Variants in NCKAP5 observed in about 807,000 individuals in gnomAD.
The protein encoded by NCKAP5 is NCK associated protein 5.
In NCKAP5, 92 loss-of-function variants were observed where a neutral mutation model predicts 167.0. That is an observed-to-expected ratio of 0.55 (90% CI 0.47 to 0.66). The LOEUF is 0.66. NCKAP5 is among the 30% of genes least tolerant of loss of function. The pLI, the probability that NCKAP5 is intolerant of heterozygous loss-of-function variation, is 0.00. For synonymous variants in NCKAP5, 891 were observed against 877.4 expected (o/e 1.02, Z -0.27); for missense variants, 2,378 against 2,315.0 (o/e 1.03, Z -0.56).
intron 5 of NCKAP5, among the ~76,000 whole-genome samples, chr2:133,168,875 TAA>T (rs944196512): frequency 6.6e-6 from 1 of 152,150 alleles, no homozygotes; most frequent in African/African-American, 2.4e-5. Context: ...CACTGTGTGG[TAA>T]AAGAGTTTAC....
intron 2 of NCKAP5, among the ~76,000 whole-genome samples, chr2:133,546,299 T>C (rs535022800): frequency 2.0e-5 from 3 of 152,274 alleles, no homozygotes; most frequent in African/African-American, 7.2e-5. Flanking sequence ...AGGAAACTCA[T>C]TATTGCCCAA....
chr2:132,927,246 G>A (rs1695974692), intron 8 of NCKAP5, among the ~76,000 whole-genome samples: 1 of 152,070 alleles, frequency 6.6e-6, no homozygotes, highest in South Asian at 2.1e-4. Flanking sequence ...TTATAGAAGT[G>A]CCATGCTGTA....
intron 5 of NCKAP5, among the ~76,000 whole-genome samples, chr2:133,188,906 C>A (rs1346920610): frequency 4.6e-5 from 7 of 152,064 alleles, no homozygotes; most frequent in Non-Finnish European, 8.8e-5. Context: ...CATTCAAAAG[C>A]TAGCAGACGG....
chr2:133,448,392 C>T (rs1392037093), intron 3 of NCKAP5, among the ~76,000 whole-genome samples: 1 of 151,992 alleles, frequency 6.6e-6, no homozygotes, highest in African/African-American at 2.4e-5. Flanking sequence ...AGAGCGAGCC[C>T]GTATTTAACT....
Position 132,673,325 on chromosome 2 carries a change from A to G in NCKAP5, c.5714-20T>C. 4.9e-6 allele frequency: 7 copies of G among 1,415,502 alleles called. No homozygotes were observed. The highest frequency in any genetic ancestry group is 6.7e-6 in the Non-Finnish European group (7 of 1,042,836). 87.7% of individuals were successfully genotyped at this position (1,415,502 alleles called of 1,614,324 possible). ...CAATTTCTGCAATAAAAAGAAGAAA[A>G]TATTAGAAACATATTTCTTTGGAAA... On this transcript the variant is annotated intron_variant, in intron 19 of 19. Transcript: ENST00000409261.
At chr2:133,093,938 T>G (rs1002896576) in intron 6 of NCKAP5, among the ~76,000 whole-genome samples, 1 of 152,170 alleles carries the variant, frequency 6.6e-6, no homozygotes, top group African/African-American at 2.4e-5. Context: ...GGAGCAGTCC[T>G]GGAAGGTCCC....
At chr2:132,868,678 G>T (rs1238746101) in intron 10 of NCKAP5, among the ~76,000 whole-genome samples, 1 of 152,132 alleles carries the variant, frequency 6.6e-6, no homozygotes, top group Non-Finnish European at 1.5e-5. Flanking sequence ...AAAATGGTGG[G>T]TTTGCTACTC....
intron 4 of NCKAP5, among the ~76,000 whole-genome samples, chr2:133,272,665 C>G (rs1188681626): frequency 6.6e-6 from 1 of 152,160 alleles, no homozygotes; most frequent in Non-Finnish European, 1.5e-5. Flanking sequence ...CCATCACCAT[C>G]CCCTTAGAAC....
chr2:132,836,916 C>T (rs1362128539), intron 11 of NCKAP5, among the ~76,000 whole-genome samples: 2 of 152,156 alleles, frequency 1.3e-5, no homozygotes, highest in Middle Eastern at 3.2e-3. Flanking sequence ...CTTCCCACTC[C>T]GTTTCTTAAA....
intron 10 of NCKAP5, among the ~76,000 whole-genome samples, chr2:132,867,874 G>A (rs556860040): frequency 5.9e-5 from 9 of 152,206 alleles, no homozygotes; most frequent in Admixed American, 1.3e-4. Context: ...CTAACTCTAC[G>A]TAAGTGTACT....
At chr2:132,749,556 T>C (rs139636715) in intron 16 of NCKAP5, among the ~76,000 whole-genome samples, 2 of 152,222 alleles carry the variant, frequency 1.3e-5, no homozygotes, top group Admixed American at 1.3e-4. Flanking sequence ...TAAAATTATT[T>C]TTCCACATTT....
intron 8 of NCKAP5, among the ~76,000 whole-genome samples, chr2:132,950,009 G>A (rs1390251748): frequency 6.6e-6 from 1 of 152,112 alleles, no homozygotes; most frequent in East Asian, 1.9e-4. Context: ...CAGGAGAATC[G>A]CTGGAAACTG....
intron 5 of NCKAP5, among the ~76,000 whole-genome samples, chr2:133,166,590 A>AACACATAT (rs1463084574): frequency 6.6e-6 from 1 of 152,152 alleles, no homozygotes; most frequent in Non-Finnish European, 1.5e-5. Context: ...CTTAAATTTA[A>AACACATAT]ACACATATAC....
At chr2:132,815,338 T>A (rs1686183123) in intron 11 of NCKAP5, among the ~76,000 whole-genome samples, 1 of 152,210 alleles carries the variant, frequency 6.6e-6, no homozygotes, top group African/African-American at 2.4e-5. Flanking sequence ...TAGACTCATT[T>A]GAGAAACTAT....
intron 3 of NCKAP5, among the ~76,000 whole-genome samples, chr2:133,417,365 T>A (rs1397442343): frequency 6.6e-6 from 1 of 152,142 alleles, no homozygotes; most frequent in Non-Finnish European, 1.5e-5. Flanking sequence ...GACATGCACT[T>A]CTCTCCTACT....
At chr2:132,934,807 C>T (rs963191654) in intron 8 of NCKAP5, among the ~76,000 whole-genome samples, 1 of 152,160 alleles carries the variant, frequency 6.6e-6, no homozygotes, top group African/African-American at 2.4e-5. Flanking sequence ...ATCTCTAATG[C>T]CCTCTGGAAC....
rs564331027 is a variant in NCKAP5 at position 133,302,914 on chromosome 2, T to C, written c.143+123A>G. The C allele has an allele frequency of 2.9e-4, 166 of 578,978 alleles. No homozygotes were observed. In the African/African-American group the frequency reaches 2.9e-3, roughly 10 times the overall value. 35.9% of individuals were successfully genotyped at this position (578,978 alleles called of 1,614,324 possible). A position where few individuals can be genotyped will look rare whatever the true frequency, so the allele number is the denominator to read the frequency against. On this transcript the variant is annotated intron_variant, in intron 4 of 19. Transcript: ENST00000409261. ...TCCAAGATGATAGTTTCTTAGAATC[T>C]AACAGTTTTTAGCCAGACAAGGACT...
intron 5 of NCKAP5, among the ~76,000 whole-genome samples, chr2:133,174,661 T>C (rs1479590627): frequency 6.6e-6 from 1 of 152,074 alleles, no homozygotes; most frequent in African/African-American, 2.4e-5. Flanking sequence ...TTGGGAGGCA[T>C]TTCCCTATTC....
At chr2:133,245,151 C>T (rs1274635472) in intron 4 of NCKAP5, among the ~76,000 whole-genome samples, 1 of 152,060 alleles carries the variant, frequency 6.6e-6, no homozygotes, top group Admixed American at 6.6e-5. Flanking sequence ...CAACAAAATA[C>T]TCACCAAAAA....
Sources: allele counts gnomAD v4.1 joint callset (sites outside exome capture counted in the v4.1 genomes callset), GRCh38; gene constraint gnomAD v4.1.1; transcripts MANE v1.5; gene names NCBI Gene and HGNC (gene_info 2026-07-23, HGNC 2026-07-21).